The following CFAP91 variants were observed in gnomAD, a reference collection of about 807,000 sequenced individuals.
The protein encoded by CFAP91 is cilia- and flagella-associated protein 91.
A neutral mutation model predicts 95.9 loss-of-function variants in CFAP91; 85 were observed. The ratio of observed to expected loss-of-function variants is 0.89; its 90% confidence interval spans 0.74 to 1.06. The LOEUF is 1.06. CFAP91 is among the 50% of genes least tolerant of loss of function. The probability of loss-of-function intolerance (pLI) is 0.00; values close to 1 mark genes in which losing one functional copy is unlikely to be tolerated. For missense variants in CFAP91, 962 were observed against 943.4 expected (o/e 1.02, Z -0.26); for synonymous variants, 335 against 327.5 (o/e 1.02, Z -0.25).
intron 17 of CFAP91, among the ~76,000 whole-genome samples, chr3:119,752,690 T>C (rs1251921065): frequency 1.3e-5 from 2 of 152,178 alleles, no homozygotes; most frequent in Non-Finnish European, 2.9e-5. Context: ...TTACTTCTGA[T>C]TATGGTACCT....
chr3:119,705,390 T>C (rs563919157), intron 1 of CFAP91, among the ~76,000 whole-genome samples: 2 of 152,348 alleles, frequency 1.3e-5, no homozygotes, highest in South Asian at 4.1e-4. Context: ...CCCTAGTTAC[T>C]TCTCTGGCCT....
intron 8 of CFAP91, among the ~76,000 whole-genome samples, chr3:119,731,863 ATTTTGGTG>A: frequency 6.6e-6 from 1 of 152,220 alleles, no homozygotes; most frequent in Non-Finnish European, 1.5e-5. Flanking sequence ...TCTTTGGTTT[ATTTTGGTG>A]TTAACCAAGA....
intron 10 of CFAP91, among the ~76,000 whole-genome samples, chr3:119,737,088 G>T (rs1003588503): frequency 2.0e-5 from 3 of 152,096 alleles, no homozygotes; most frequent in Admixed American, 1.3e-4. Flanking sequence ...ATCATAGCAC[G>T]TCTTGAGAGA....
At chr3:119,756,841 GA>G (rs2054440157) in intron 17 of CFAP91, among the ~76,000 whole-genome samples, 1 of 152,098 alleles carries the variant, frequency 6.6e-6, no homozygotes, top group East Asian at 1.9e-4. Flanking sequence ...ATAGAAAGGA[GA>G]AAAAAGGAAA....
intron 17 of CFAP91, chr3:119,752,312 A>G (rs2054340847): frequency 6.6e-6 from 1 of 152,212 alleles, no homozygotes; most frequent in African/African-American, 2.4e-5. Context: ...CCTTGGTCCA[A>G]TAGAATGGAA....
At chr3:119,730,974 C>A (rs964322514) in intron 8 of CFAP91, among the ~76,000 whole-genome samples, 1 of 152,282 alleles carries the variant, frequency 6.6e-6, no homozygotes, top group South Asian at 2.1e-4. Context: ...AGGTAGCTCA[C>A]ACCTGTAATC....
In CFAP91 at chr3:119,715,638, A is replaced by G. The variant is rs2053560016; in HGVS notation, c.577A>G (p.Thr193Ala). 1 of 1,613,784 alleles carries G rather than the reference A, an allele frequency of 6.2e-7. No homozygotes were observed. The highest frequency in any genetic ancestry group is 8.5e-7 in the Non-Finnish European group (1 of 1,179,656). The change falls in exon 6 of 18, where the codon ACT becomes GCT. Residue 193 changes from threonine (T) to alanine (A), a missense_variant. By Grantham distance (58) the Thr-to-Ala change is moderately conservative. Coordinates refer to ENST00000273390, the MANE Select transcript of CFAP91 (RefSeq NM_033364.4). ...IPSKSTVGTQTDYRDADVQTD... is the reference protein window; with the variant it reads ...IPSKSTVGTQADYRDADVQTD... ...TTCAAAGTCTACTGTGGGCACTCAG[A>G]CTGATTATCGGGATGCTGACGTTCA... is the stretch of plus-strand genomic sequence containing the variant.
chr3:119,762,104 C>CA (rs559226174), intron 17 of CFAP91, among the ~76,000 whole-genome samples: 90 of 151,594 alleles, frequency 5.9e-4, no homozygotes, highest in African/African-American at 2.0e-3. Context: ...AAGACTCCAA[C>CA]AAAAAAACTA....
intron 17 of CFAP91, among the ~76,000 whole-genome samples, chr3:119,762,026 A>G (rs934094601): frequency 2.6e-5 from 4 of 151,980 alleles, no homozygotes; most frequent in Non-Finnish European, 5.9e-5. Context: ...AAGGCACCCA[A>G]ATTGGAAAGG....
chr3:119,727,712 C>G (rs2053811063), intron 7 of CFAP91, among the ~76,000 whole-genome samples: 1 of 152,100 alleles, frequency 6.6e-6, no homozygotes, highest in African/African-American at 2.4e-5. Flanking sequence ...ATGTGCTGTT[C>G]TGTACAAAAA....
chr3:119,757,384 C>G (rs2054453350), intron 17 of CFAP91, among the ~76,000 whole-genome samples: 1 of 152,102 alleles, frequency 6.6e-6, no homozygotes, highest in Non-Finnish European at 1.5e-5. Context: ...TGGCTCACGT[C>G]TGTAATCCCA....
chr3:119,747,074 C>G, intron 14 of CFAP91, 41 bp from the exon 15 acceptor site: 1 of 1,452,086 alleles, frequency 6.9e-7, no homozygotes, highest in East Asian at 2.4e-5. Context: ...TTGTTTACAA[C>G]AGCATACCTG....
At chr3:119,730,158 T>C in intron 7 of CFAP91, 62 bp from the exon 8 acceptor site, 1 of 1,520,108 alleles carries the variant, frequency 6.6e-7, no homozygotes, top group Non-Finnish European at 9.0e-7. Flanking sequence ...CTGTGGCAGC[T>C]GTTCCCTTGC....
At chr3:119,747,026 TA>T in intron 14 of CFAP91, 88 bp from the exon 15 acceptor site, 1 of 1,002,458 alleles carries the variant, frequency 1.0e-6, no homozygotes. Flanking sequence ...ATATATGAGC[TA>T]GAAAAAGTTA....
chr3:119,736,448 T>G (rs1028262484), intron 10 of CFAP91, among the ~76,000 whole-genome samples: 6 of 151,800 alleles, frequency 4.0e-5, no homozygotes, highest in African/African-American at 1.5e-4. Flanking sequence ...ATTTTTTTTT[T>G]TGTATTTTTA....
Position 119,703,123 on chromosome 3 carries a change from GAGCCCCA to G in CFAP91, c.26_32del (p.Glu9GlyfsTer52). On this transcript the variant is annotated frameshift_variant, in exon 1 of 18. Coordinates refer to ENST00000273390, the MANE Select transcript of CFAP91 (RefSeq NM_033364.4). LOFTEE classifies it high-confidence loss of function. ...CATGAGCCACGCAGTAACCATCGAG[GAGCCCCA>G]GGCCCAGCCGCAGGTGTCTCAAACT... 6.4e-7 allele frequency: 1 copy of G among 1,567,702 alleles called. No homozygotes were observed. Among genetic ancestry groups the G allele is most frequent in the Non-Finnish European group, 8.7e-7 (1 of 1,155,690 alleles).
At chr3:119,748,239 A>T (rs917257768) in intron 16 of CFAP91, among the ~76,000 whole-genome samples, 4 of 152,214 alleles carry the variant, frequency 2.6e-5, no homozygotes, top group Non-Finnish European at 5.9e-5. Context: ...AGATTTTCAC[A>T]TTGTAGCAGC....
chr3:119,715,177 C>CA (rs999495043), intron 5 of CFAP91, among the ~76,000 whole-genome samples: 71 of 152,204 alleles, frequency 4.7e-4, no homozygotes, highest in African/African-American at 1.7e-3. Flanking sequence ...TGGAGGGAAA[C>CA]AGAGAGTGGT....
chr3:119,717,529 T>C (rs2053599200), intron 6 of CFAP91, among the ~76,000 whole-genome samples: 1 of 149,044 alleles, frequency 6.7e-6, no homozygotes, highest in South Asian at 2.1e-4. Flanking sequence ...CAAGCTAATA[T>C]CTGTTAAGTA....
Sources: gnomAD v4.1 joint callset for allele counts (sites outside exome capture counted in the v4.1 genomes callset) on GRCh38, gnomAD v4.1.1 for gene constraint, MANE v1.5 for transcripts, NCBI Gene and HGNC (gene_info 2026-07-23, HGNC 2026-07-21) for gene names.